Variants in EHBP1 observed in about 807,000 individuals in gnomAD.
The protein encoded by EHBP1 is EH domain-binding protein 1.
EHBP1 carries 55 observed loss-of-function variants against 144.0 expected under a neutral mutation model. That is an observed-to-expected ratio of 0.38 (90% confidence interval 0.31 to 0.48). The LOEUF (loss-of-function observed/expected upper bound fraction) is 0.48. Ranked by LOEUF, EHBP1 falls within the 20% of genes least tolerant of loss-of-function variation. The pLI, the probability that EHBP1 is intolerant of heterozygous loss-of-function variation, is 0.98. For missense variants in EHBP1, 1,200 were observed against 1,364.2 expected (o/e 0.88, Z 1.90); for synonymous variants, 469 against 472.7 (o/e 0.99, Z 0.10).
chr2:62,831,598 G>C (rs1437922662), intron 7 of EHBP1, among the ~76,000 whole-genome samples: 1 of 152,102 alleles, frequency 6.6e-6, no homozygotes, highest in African/African-American at 2.4e-5. Flanking sequence ...TATGTATCCT[G>C]GTATTGAAGC....
At chr2:62,900,684 G>GTATATATATA (rs147278087) in intron 10 of EHBP1, among the ~76,000 whole-genome samples, 2 of 141,488 alleles carry the variant, frequency 1.4e-5, no homozygotes, top group African/African-American at 5.6e-5. Context: ...GTGTGTATGT[G>GTATATATATA]TATATATATA....
At chr2:62,893,648 C>T (rs1218865336) in intron 10 of EHBP1, among the ~76,000 whole-genome samples, 1 of 152,084 alleles carries the variant, frequency 6.6e-6, no homozygotes, top group Non-Finnish European at 1.5e-5. Flanking sequence ...ATGAATGAAG[C>T]AGAAAAATAT....
In EHBP1 at chr2:62,864,778, T is replaced by C; in HGVS notation, c.805T>C (p.Tyr269His). Residue 269 changes from tyrosine (Y) to histidine (H), a missense_variant, in exon 9 of 23, where the codon TAT (tyrosine) becomes CAT (histidine). Tyr to His is a moderately conservative substitution (Grantham distance 83, BLOSUM62 2). Coordinates refer to ENST00000431489, the MANE Select transcript of EHBP1 (RefSeq NM_001142616.3). ...ASPRKTEDSF[Y>H]NNSYNPFKEV... The stretch of plus-strand genomic sequence containing the variant: ...ACCTAGAAAAACAGAAGACTCTTTT[T>C]ATAATAACAGCTATAATCCCTTTAA... 1 of 1,613,640 alleles carries C rather than the reference T, an allele frequency of 6.2e-7. No individual in the cohort carries two copies. The highest frequency in any genetic ancestry group is 8.5e-7 in the Non-Finnish European group (1 of 1,179,842).
chr2:63,037,127 C>G (rs1401915231), intron 19 of EHBP1, among the ~76,000 whole-genome samples: 1 of 151,934 alleles, frequency 6.6e-6, no homozygotes, highest in East Asian at 1.9e-4. Context: ...TTCACACAAT[C>G]TCTGGACTTC....
intron 5 of EHBP1, among the ~76,000 whole-genome samples, chr2:62,785,403 A>T (rs1468642060): frequency 2.0e-5 from 3 of 152,210 alleles, no homozygotes; most frequent in Non-Finnish European, 4.4e-5. Context: ...GTGCAGACAG[A>T]GAAGAGGCGA....
At chr2:62,827,154 G>A (rs2046396859) in intron 6 of EHBP1, among the ~76,000 whole-genome samples, 1 of 152,150 alleles carries the variant, frequency 6.6e-6, no homozygotes, top group African/African-American at 2.4e-5. Context: ...ACTGGATTCT[G>A]TGCGTCAGTC....
chr2:63,020,837 C>A (rs1311162174), intron 19 of EHBP1, among the ~76,000 whole-genome samples: 2 of 151,996 alleles, frequency 1.3e-5, no homozygotes, highest in East Asian at 3.9e-4. Flanking sequence ...TGCCACCATG[C>A]CCAGCTAATT....
At chr2:62,706,692 C>T (rs2034619833) in intron 1 of EHBP1, 1 of 155,798 alleles carries the variant, frequency 6.4e-6, no homozygotes, top group Admixed American at 6.3e-5. Flanking sequence ...CGCTCCACGT[C>T]TTCGGTGTGA....
intron 21 of EHBP1, among the ~76,000 whole-genome samples, chr2:63,039,239 A>G (rs1024264441): frequency 3.3e-5 from 5 of 152,196 alleles, no homozygotes; most frequent in African/African-American, 9.6e-5. Context: ...GTTCCTGTTC[A>G]GTCTACTACA....
At chr2:62,889,047 CTTTTTTTTTTTTTTTTTTTTT>C (rs71410971) in intron 10 of EHBP1, among the ~76,000 whole-genome samples, 5 of 39,678 alleles carry the variant, frequency 1.3e-4, no homozygotes, top group Non-Finnish European at 2.2e-4. Flanking sequence ...GTAGGTACCT[CTTTTTTTTTTTTTTTTTTTTT>C]TTTTTTTTTT....
intron 2 of EHBP1, among the ~76,000 whole-genome samples, chr2:62,721,174 T>C (rs1363471051): frequency 6.6e-6 from 1 of 152,194 alleles, no homozygotes; most frequent in Non-Finnish European, 1.5e-5. Context: ...TTTCATGACC[T>C]TGTTAGGTTT....
At chr2:63,020,533 A>G (rs2060697425) in intron 19 of EHBP1, among the ~76,000 whole-genome samples, 1 of 151,598 alleles carries the variant, frequency 6.6e-6, no homozygotes, top group Admixed American at 6.6e-5. Flanking sequence ...AAAGAAAGAA[A>G]AGAAAAGGCT....
At chr2:62,980,467 A>G (rs2058915897) in intron 15 of EHBP1, among the ~76,000 whole-genome samples, 1 of 152,210 alleles carries the variant, frequency 6.6e-6, no homozygotes, top group South Asian at 2.1e-4. Context: ...TAAGAGGGCC[A>G]AAACAAAGGT....
chr2:63,037,630 C>G lies in EHBP1; in HGVS notation c.3199C>G (p.Leu1067Val). 1 of 1,570,030 alleles carries G rather than the reference C, an allele frequency of 6.4e-7. No individual in the cohort carries two copies. Among genetic ancestry groups the G allele is most frequent in the Non-Finnish European group, 8.7e-7 (1 of 1,146,098 alleles). The part of the protein sequence containing the change: ...ALIRRMNQLS[L>V]LEKEHDLERR... ...AATAAGGAGAATGAATCAGCTCTCT[C>G]TTCTGTAAGTACTCATCATTATGCT... Residue 1067 changes from leucine to valine, a missense_variant, in exon 20 of 23, where the codon CTT becomes GTT. Physicochemically the swap from Leu to Val is conservative, Grantham distance 32 (BLOSUM62 1). Around this residue, in one of 6 missense-constraint regions of EHBP1, gnomAD observed 149 missense variants for 217.0 expected, o/e 0.69. Transcript: ENST00000431489.
In EHBP1 at chr2:62,798,726, CG is replaced by C. The variant is rs752887356; in HGVS notation, c.312+27337del. Among the ~76,000 whole-genome samples, 189 of 151,932 alleles carry C rather than the reference CG, an allele frequency of 1.2e-3. 1 individual carries two copies. The highest frequency in any genetic ancestry group is 3.4e-3 in the Middle Eastern group (1 of 294). ...ATAGAAATTCATGCTATAGGAAGGC[CG>C]GGAGCGGTGGCTCAAGCCTGTAATC... On this transcript the variant is annotated intron_variant, in intron 5 of 22. Coordinates refer to ENST00000431489, the MANE Select transcript of EHBP1 (RefSeq NM_001142616.3).
intron 10 of EHBP1, among the ~76,000 whole-genome samples, chr2:62,880,793 A>G (rs2051338858): frequency 1.3e-5 from 2 of 152,210 alleles, no homozygotes; most frequent in African/African-American, 4.8e-5. Flanking sequence ...GAATACTTAT[A>G]CACTGCTGGT....
At chr2:62,757,944 G>A (rs2040445743) in intron 3 of EHBP1, among the ~76,000 whole-genome samples, 2 of 151,808 alleles carry the variant, frequency 1.3e-5, no homozygotes, top group Non-Finnish European at 1.5e-5. Context: ...CCCAGGAGGC[G>A]GAGCTTGCAG....
chr2:63,037,291 T>C (rs2061479561), intron 19 of EHBP1, among the ~76,000 whole-genome samples: 1 of 152,038 alleles, frequency 6.6e-6, no homozygotes, highest in African/African-American at 2.4e-5. Context: ...TTTTGTTTAC[T>C]GTACTTAGTG....
intron 10 of EHBP1, among the ~76,000 whole-genome samples, chr2:62,915,744 G>C (rs1442351193): frequency 6.6e-6 from 1 of 151,874 alleles, no homozygotes; most frequent in Non-Finnish European, 1.5e-5. Context: ...TTGTTAATGG[G>C]GTTTGATTAG....
Sources: allele counts gnomAD v4.1 joint callset (sites outside exome capture counted in the v4.1 genomes callset), GRCh38; gene constraint gnomAD v4.1.1; regional missense constraint gnomAD v4.1.1; transcripts MANE v1.5; gene names NCBI Gene and HGNC (gene_info 2026-07-23, HGNC 2026-07-21).